STAU2: variants seen among roughly 807,000 people sequenced by gnomAD.
STAU2 encodes double-stranded RNA-binding protein Staufen homolog 2.
STAU2 carries 20 observed loss-of-function variants against 65.9 expected under a neutral mutation model. The ratio of observed to expected loss-of-function variants is 0.30; its 90% CI spans 0.21 to 0.44. The LOEUF is 0.44. Among genes scored for constraint, STAU2 ranks in the 20% least tolerant of loss-of-function variants. STAU2 has a pLI of 1.00. For synonymous variants in STAU2, 232 were observed against 233.9 expected (o/e 0.99, Z 0.07); for missense variants, 558 against 683.9 (o/e 0.82, Z 2.05).
chr8:73,530,243 T>G (rs1156503108), intron 13 of STAU2, among the ~76,000 whole-genome samples: 1 of 152,140 alleles, frequency 6.6e-6, no homozygotes, highest in African/African-American at 2.4e-5. Context: ...TTTTTATCAC[T>G]CACAAAAGAA....
At chr8:73,575,316 G>A (rs766904027) in intron 12 of STAU2, among the ~76,000 whole-genome samples, 3 of 152,094 alleles carry the variant, frequency 2.0e-5, no homozygotes, top group Non-Finnish European at 4.4e-5. Context: ...TATCAAATTG[G>A]CAAAGATTCA....
chr8:73,642,519 C>T (rs552448267), intron 6 of STAU2, among the ~76,000 whole-genome samples: 23 of 138,482 alleles, frequency 1.7e-4, no homozygotes, highest in Non-Finnish European at 3.4e-4. Context: ...AAGACTCCGT[C>T]CAAAAATAAA....
chr8:73,608,740 C>T (rs797018548), intron 9 of STAU2, among the ~76,000 whole-genome samples: 3 of 152,122 alleles, frequency 2.0e-5, no homozygotes, highest in African/African-American at 7.2e-5. Flanking sequence ...GCCTGTAATC[C>T]CAGCACTTTG....
In STAU2 at chr8:73,734,761, T is replaced by G. The variant is rs184588413; in HGVS notation, c.-18+3523A>C. Among the ~76,000 whole-genome samples, 43 of 151,648 alleles carry G rather than the reference T, an allele frequency of 2.8e-4. No individual in the cohort carries two copies. The East Asian group carries it at 8.1e-3, about 29-fold the overall frequency. ...GTGAGCCAAGATCATGCCACTGCACTCCAGCATGGGCAACAGAGTGAGACT... is the reference window on the plus strand; with the variant it reads ...GTGAGCCAAGATCATGCCACTGCACGCCAGCATGGGCAACAGAGTGAGACT... On this transcript the variant is annotated intron_variant, in intron 3 of 14. Transcript: ENST00000524300.
intron 3 of STAU2, among the ~76,000 whole-genome samples, chr8:73,735,873 T>C (rs1363602880): frequency 2.0e-5 from 3 of 152,220 alleles, no homozygotes; most frequent in Non-Finnish European, 4.4e-5. Flanking sequence ...TAGCATAAAA[T>C]GGTCATTTCC....
intron 4 of STAU2, among the ~76,000 whole-genome samples, chr8:73,697,044 G>GTTGTTTGGTT (rs1819733933): frequency 6.6e-6 from 1 of 151,186 alleles, no homozygotes; most frequent in African/African-American, 2.4e-5. Flanking sequence ...GCAGACTTTT[G>GTTGTTTGGTT]TTGTTTTGTT....
At chr8:73,694,657 TCA>T (rs1209612504) in intron 4 of STAU2, among the ~76,000 whole-genome samples, 1 of 152,142 alleles carries the variant, frequency 6.6e-6, no homozygotes, top group African/African-American at 2.4e-5. Context: ...AGGTGAACAA[TCA>T]CAGTGTCTGG....
At chr8:73,499,562 G>A (rs914865843) in intron 13 of STAU2, among the ~76,000 whole-genome samples, 35 of 151,952 alleles carry the variant, frequency 2.3e-4, no homozygotes, top group African/African-American at 8.4e-4. Flanking sequence ...GCAATCAGTA[G>A]GACAAGGGTG....
At chr8:73,573,697 A>T (rs1351967623) in intron 12 of STAU2, among the ~76,000 whole-genome samples, 2 of 152,244 alleles carry the variant, frequency 1.3e-5, no homozygotes, top group Non-Finnish European at 2.9e-5. Flanking sequence ...CTGGCTAGCC[A>T]TATGTAGAAA....
intron 13 of STAU2, among the ~76,000 whole-genome samples, chr8:73,528,196 T>C (rs1173537465): frequency 6.6e-6 from 1 of 152,210 alleles, no homozygotes; most frequent in Non-Finnish European, 1.5e-5. Flanking sequence ...TGACTCCATG[T>C]GTATGTGACT....
intron 13 of STAU2, among the ~76,000 whole-genome samples, chr8:73,499,225 C>T (rs571773177): frequency 3.0e-4 from 46 of 151,818 alleles, no homozygotes; most frequent in Non-Finnish European, 4.9e-4. Context: ...ATCAGTCTCT[C>T]CCCCACCTAC....
At chr8:73,543,916 C>T (rs1806723420) in intron 13 of STAU2, among the ~76,000 whole-genome samples, 1 of 152,146 alleles carries the variant, frequency 6.6e-6, no homozygotes, top group African/African-American at 2.4e-5. Context: ...TTACTGATCA[C>T]CAGACCGATT....
chr8:73,653,910 T>C (rs1330100739), intron 6 of STAU2: 3 of 443,024 alleles, frequency 6.8e-6, no homozygotes, highest in Non-Finnish European at 1.4e-5. Flanking sequence ...AAAATCAAGG[T>C]AAATATTAAG....
chr8:73,421,679 A>G (rs1225871947), intron 14 of STAU2, among the ~76,000 whole-genome samples: 5 of 152,224 alleles, frequency 3.3e-5, no homozygotes, highest in African/African-American at 4.8e-5. Context: ...ATCTATAGAC[A>G]ACTTAAAATG....
rs71561522 is a variant in STAU2 at position 73,429,413 on chromosome 8, C to CTTTTTTTTTTTTTTTTTT, written c.1531-6729_1531-6712dup. Among the ~76,000 whole-genome samples the CTTTTTTTTTTTTTTTTTT allele has an allele frequency of 6.1e-5, 4 of 65,312 alleles. 2 individuals are homozygous for CTTTTTTTTTTTTTTTTTT. The highest frequency in any genetic ancestry group is 1.4e-4 in the Non-Finnish European group (4 of 28,522). 42.8% of individuals were successfully genotyped at this position (65,312 alleles called of 152,430 possible). On this transcript the variant is annotated intron_variant, in intron 13 of 14. Transcript: ENST00000524300. ...AACCAATCTATATTCTTGCTCAGGT[C>CTTTTTTTTTTTTTTTTTT]TTTTTTTTTTTTTTTTTTTTTTTTT...
chr8:73,630,096 C>A (rs1400322135), intron 6 of STAU2, among the ~76,000 whole-genome samples: 2 of 152,134 alleles, frequency 1.3e-5, no homozygotes, highest in Non-Finnish European at 2.9e-5. Flanking sequence ...TTTTAAAGTA[C>A]CTTGGATTAA....
intron 13 of STAU2, chr8:73,550,180 T>C (rs1288379790): frequency 2.0e-6 from 2 of 985,082 alleles, no homozygotes; most frequent in Admixed American, 6.2e-5. Context: ...TTTATATTCA[T>C]TAGTATGTAA....
At chr8:73,721,116 C>CAAAAAAAAA (rs1159562570) in intron 3 of STAU2, among the ~76,000 whole-genome samples, 2 of 43,650 alleles carry the variant, frequency 4.6e-5, no homozygotes, top group Non-Finnish European at 4.9e-5. Context: ...CCCAACACTA[C>CAAAAAAAAA]AAAAAAAAAA....
At chr8:73,654,701 T>TC (rs1322245115) in intron 6 of STAU2, among the ~76,000 whole-genome samples, 1 of 141,622 alleles carries the variant, frequency 7.1e-6, no homozygotes, top group Non-Finnish European at 1.5e-5. Flanking sequence ...TTTTTTTTTT[T>TC]TTTGAGACGG....
Sources: gnomAD v4.1 joint callset for allele counts (sites outside exome capture counted in the v4.1 genomes callset) on GRCh38, gnomAD v4.1.1 for gene constraint, MANE v1.5 for transcripts, NCBI Gene and HGNC (gene_info 2026-07-23, HGNC 2026-07-21) for gene names.